The following TRRAP variants were observed in gnomAD, a reference collection of about 807,000 sequenced individuals.
TRRAP encodes transformation/transcription domain-associated protein.
TRRAP carries 41 observed loss-of-function variants against 438.8 expected under a neutral mutation model. That is an observed-to-expected ratio of 0.09 (90% CI 0.07 to 0.12). TRRAP has a LOEUF of 0.12. Among genes scored for constraint, TRRAP ranks in the 10% least tolerant of loss-of-function variants. The pLI is 1.00. For synonymous variants in TRRAP, 1,994 were observed against 1,962.9 expected (o/e 1.02, Z -0.42); for missense variants, 3,122 against 5,055.1 (o/e 0.62, Z 11.60).
chr7:98,919,552 T>C (rs577554943), intron 20 of TRRAP, among the ~76,000 whole-genome samples: 20 of 152,216 alleles, frequency 1.3e-4, no homozygotes, highest in African/African-American at 4.8e-4. Flanking sequence ...CAGTGAGACA[T>C]GATTGAACCA....
At chr7:98,991,795 T>C (rs886406375) in intron 64 of TRRAP, among the ~76,000 whole-genome samples, 7 of 152,220 alleles carry the variant, frequency 4.6e-5, no homozygotes, top group African/African-American at 1.7e-4. Context: ...TTGTTTGTTT[T>C]TTTATTTGCT....
chr7:98,921,947 G>A lies in TRRAP; in HGVS notation c.2817G>A (p.Met939Ile), dbSNP rs1789815513. The A allele has an allele frequency of 1.9e-6, 3 of 1,614,072 alleles. No individual in the cohort carries two copies. Among genetic ancestry groups the A allele is most frequent in the Non-Finnish European group, 2.5e-6 (3 of 1,180,030 alleles). The part of the protein sequence containing the change: ...SDCKASLQLP[M>I]EKAIETALDC... ...GCAAAGCTTCTCTCCAGCTCCCCAT[G>A]GAGAAGGTAAGCTCTGTGACAATGT... is the stretch of plus-strand genomic sequence containing the variant. Residue 939 changes from methionine (M) to isoleucine (I), a missense_variant, in exon 21 of 73, where the codon ATG becomes ATA. Met to Ile is a conservative substitution (Grantham distance 10). Transcript: ENST00000456197.
At chr7:98,938,365 A>G (rs1207127099) in intron 30 of TRRAP, among the ~76,000 whole-genome samples, 2 of 152,152 alleles carry the variant, frequency 1.3e-5, no homozygotes, top group Non-Finnish European at 2.9e-5. Context: ...AAAACAATGC[A>G]TTCAGATGGC....
rs782707405 is a variant in TRRAP at position 98,956,412 on chromosome 7, T to C, written c.6110T>C (p.Met2037Thr). 2.5e-6 allele frequency: 4 copies of C among 1,614,114 alleles called. No individual in the cohort carries two copies. The highest frequency in any genetic ancestry group is 1.1e-5 in the South Asian group (1 of 91,070). ...TGTGTTTTTAAGCCGGATTCAGATA[T>C]GGACCCAAATTCCAGTGGAGAAGGA... is the stretch of plus-strand genomic sequence containing the variant. Reference protein sequence around the residue: ...RIKDQQPDSDMDPNSSGEGVN... With the variant: ...RIKDQQPDSDTDPNSSGEGVN... Residue 2037 changes from methionine to threonine, a missense_variant, in exon 43 of 73, where the codon ATG becomes ACG. Met to Thr is a moderately conservative substitution (Grantham distance 81). Coordinates refer to ENST00000456197, the MANE Select transcript of TRRAP (RefSeq NM_001375524.1). This position sits in a 1 kb window ranked among gnomAD's most constrained non-coding sequence, Gnocchi z 4.5.
chr7:98,964,793 G>C lies in TRRAP; in HGVS notation c.6976+18G>C. ...CACCTCAGGTGATGTGCTGGCCACCGGGGGCCTTTCCTCAGACTCTGTTGA... is the reference window on the plus strand; with the variant it reads ...CACCTCAGGTGATGTGCTGGCCACCCGGGGCCTTTCCTCAGACTCTGTTGA... On this transcript the variant is annotated intron_variant, in intron 48 of 72. Coordinates refer to ENST00000456197, the MANE Select transcript of TRRAP (RefSeq NM_001375524.1). The C allele has an allele frequency of 6.2e-7, 1 of 1,603,208 alleles. No individual in the cohort carries two copies. The highest frequency in any genetic ancestry group is 8.5e-7 in the Non-Finnish European group (1 of 1,174,420).
intron 62 of TRRAP, among the ~76,000 whole-genome samples, chr7:98,988,470 C>T (rs541879460): frequency 3.3e-5 from 5 of 152,114 alleles, no homozygotes; most frequent in Admixed American, 6.5e-5. Flanking sequence ...CATGGATAAA[C>T]CTCGAAAACA....
In TRRAP at chr7:98,967,152, T is replaced by C. The variant is rs1792193101; in HGVS notation, c.7288T>C (p.Tyr2430His). Residue 2430 changes from tyrosine to histidine, a missense_variant, in exon 50 of 73, where the codon TAT (tyrosine) becomes CAT (histidine). Coordinates refer to ENST00000456197, the MANE Select transcript of TRRAP (RefSeq NM_001375524.1). ...LNAQFLDLVN[Y>H]VYRDETLSGS... ...TGCCCAGTTTTTAGATCTTGTTAACTATGTCTACAGGTAATTACAGCAATT... is the reference window on the plus strand; with the variant it reads ...TGCCCAGTTTTTAGATCTTGTTAACCATGTCTACAGGTAATTACAGCAATT... 6.2e-7 allele frequency: 1 copy of C among 1,613,822 alleles called. No individual in the cohort carries two copies. Among genetic ancestry groups the C allele is most frequent in the Admixed American group, 1.7e-5 (1 of 59,908 alleles).
chr7:98,928,014 G>A (rs1790132008), intron 23 of TRRAP, among the ~76,000 whole-genome samples: 1 of 152,130 alleles, frequency 6.6e-6, no homozygotes, highest in African/African-American at 2.4e-5. Flanking sequence ...CGAGGTGGGC[G>A]GATCACCTGA....
At chr7:98,884,163 G>T (rs1351582546) in intron 3 of TRRAP, among the ~76,000 whole-genome samples, 3 of 152,192 alleles carry the variant, frequency 2.0e-5, no homozygotes, top group African/African-American at 7.2e-5. Flanking sequence ...GTAGGTCTTT[G>T]CACGCTGGCT....
At chr7:98,998,776 T>A in intron 67 of TRRAP, 1 of 230,940 alleles carries the variant, frequency 4.3e-6, no homozygotes. Context: ...TCTTTCCATC[T>A]CTTCCAGTGC....
chr7:98,997,984 A>AC (rs1793747866), intron 67 of TRRAP, among the ~76,000 whole-genome samples: 1 of 152,238 alleles, frequency 6.6e-6, no homozygotes, highest in East Asian at 1.9e-4. Context: ...ATGATGCTGC[A>AC]CCATCCAGTC....
chr7:98,964,895 G>A (rs1228777174), intron 48 of TRRAP, 120 bp downstream of exon 48: 1 of 1,245,158 alleles, frequency 8.0e-7, no homozygotes, highest in Non-Finnish European at 1.1e-6. Flanking sequence ...CTGTTGTTTG[G>A]TCGTAAATCG....
chr7:98,881,956 C>T lies in TRRAP; in HGVS notation c.101-19C>T, dbSNP rs1243808350. On this transcript the variant is annotated intron_variant, in intron 2 of 72. Transcript: ENST00000456197. ...TTAACATAATTTCAATTACCTGATG[C>T]TTGTTTTGCCGTTCACAGCTGATGA... 1.3e-6 allele frequency: 2 copies of T among 1,595,644 alleles called. No homozygotes were observed. Among genetic ancestry groups the T allele is most frequent in the Non-Finnish European group, 1.7e-6 (2 of 1,175,404 alleles).
intron 69 of TRRAP, among the ~76,000 whole-genome samples, chr7:99,007,527 T>G (rs542907789): frequency 6.6e-6 from 1 of 151,314 alleles, no homozygotes; most frequent in African/African-American, 2.4e-5. Context: ...TTTTGTATTT[T>G]TAGTAGAGAT....
intron 41 of TRRAP, 128 bp downstream of exon 41, chr7:98,955,432 G>A: frequency 9.9e-7 from 1 of 1,012,282 alleles, no homozygotes; most frequent in Non-Finnish European, 1.4e-6. Context: ...CTGGTTCATT[G>A]ATTAGTTTGT....
chr7:98,951,560 G>A (rs1314499070), intron 39 of TRRAP, among the ~76,000 whole-genome samples: 1 of 152,152 alleles, frequency 6.6e-6, no homozygotes, highest in Non-Finnish European at 1.5e-5. Context: ...ATTTCCCCAA[G>A]GTTTACTGTA....
intron 27 of TRRAP, among the ~76,000 whole-genome samples, chr7:98,934,225 A>G (rs1790452842): frequency 6.6e-6 from 1 of 152,260 alleles, no homozygotes; most frequent in South Asian, 2.1e-4. Flanking sequence ...ATGGGACATG[A>G]ATCACACTTG....
At chr7:98,967,187 C>A in intron 50 of TRRAP, 25 bp downstream of exon 50, 1 of 1,607,464 alleles carries the variant, frequency 6.2e-7, no homozygotes, top group Non-Finnish European at 8.5e-7. Context: ...TAATCAAGTA[C>A]TACATATATT....
chr7:98,976,120 A>C lies in TRRAP; in HGVS notation c.7840-29A>C. On this transcript the variant is annotated intron_variant, in intron 53 of 72. Coordinates refer to ENST00000456197, the MANE Select transcript of TRRAP (RefSeq NM_001375524.1). This position sits in a 1 kb window ranked among gnomAD's most constrained non-coding sequence, Gnocchi z 4.6. ...TGCGAGGCACCCCCAGCCCGTGGCCATCTCAGCCTGTTGTCTTTCTGTTCA... is the reference window on the plus strand; with the variant it reads ...TGCGAGGCACCCCCAGCCCGTGGCCCTCTCAGCCTGTTGTCTTTCTGTTCA... 1.2e-6 allele frequency: 2 copies of C among 1,612,404 alleles called. No homozygotes were observed. Among genetic ancestry groups the C allele is most frequent in the Admixed American group, 1.7e-5 (1 of 59,986 alleles).
Sources: allele counts gnomAD v4.1 joint callset (sites outside exome capture counted in the v4.1 genomes callset), GRCh38; gene constraint gnomAD v4.1.1; non-coding constraint Gnocchi (gnomAD v3.1); transcripts MANE v1.5; gene names NCBI Gene and HGNC (gene_info 2026-07-23, HGNC 2026-07-21).